The following RAP1A variants were observed in gnomAD, a reference collection of about 807,000 sequenced individuals.
RAP1A encodes the protein ras-related protein Rap-1A.
In RAP1A, 6 loss-of-function variants were observed where a neutral mutation model predicts 26.4. That is an observed-to-expected ratio of 0.23 (90% CI 0.12 to 0.45). The LOEUF is 0.45. RAP1A is among the 20% of genes least tolerant of loss of function. RAP1A has a pLI of 0.99. For synonymous variants in RAP1A, 73 were observed against 79.4 expected (o/e 0.92, Z 0.43); for missense variants, 121 against 217.2 (o/e 0.56, Z 2.78).
exon 1 of RAP1A, chr1:111,542,315 G>A (rs1656863991): frequency 2.0e-6 from 1 of 499,552 alleles, no homozygotes; most frequent in Non-Finnish European, 4.0e-6. Context: ...GAGCAAAGAA[G>A]TTAAAAGAGA....
At chr1:111,650,093 CT>C (rs57681662) in intron 1 of RAP1A, among the ~76,000 whole-genome samples, 7,321 of 75,918 alleles carry the variant, frequency 0.096, 183 homozygotes, top group Non-Finnish European at 0.1. Context: ...TGGTAGAGTG[CT>C]TTTTTTTTTT....
chr1:111,618,465 T>C (rs1457145695), upstream of RAP1A, among the ~76,000 whole-genome samples: 1 of 152,220 alleles, frequency 6.6e-6, no homozygotes, highest in Non-Finnish European at 1.5e-5. Flanking sequence ...CCTTCAAGTG[T>C]TGGAGTGCCT....
intron 1 of RAP1A, among the ~76,000 whole-genome samples, chr1:111,597,639 T>C (rs1483852696): frequency 1.3e-5 from 2 of 152,090 alleles, no homozygotes; most frequent in Admixed American, 6.6e-5. Context: ...TCTCTCCAAG[T>C]GTGGGTTGAG....
intron 4 of RAP1A, among the ~76,000 whole-genome samples, chr1:111,698,909 A>G (rs890331018): frequency 4.6e-5 from 7 of 151,228 alleles, no homozygotes; most frequent in African/African-American, 7.3e-5. Context: ...CTTTGTTTCC[A>G]GAGACCCTAA....
At chr1:111,650,496 A>G (rs916676124) in intron 1 of RAP1A, 2 of 152,182 alleles carry the variant, frequency 1.3e-5, no homozygotes, top group African/African-American at 2.4e-5. Context: ...AATCTTCCCT[A>G]TATCATTCCA....
At chr1:111,706,326 T>C (rs1662189878) in intron 6 of RAP1A, among the ~76,000 whole-genome samples, 1 of 152,180 alleles carries the variant, frequency 6.6e-6, no homozygotes. Context: ...ACTTTTGCCT[T>C]GTAAATTTTT....
At position 111,704,332 on chromosome 1, in the gene RAP1A, TC is replaced by T; in HGVS notation, c.325-10del. On this transcript the variant is annotated splice_polypyrimidine_tract_variant and intron_variant, in intron 5 of 7. Transcript: ENST00000369709. ...TGTTATTGTTCATTTTACGTTTTTT[TC>T]TTCCCACAGGTTCCAATGATTTTGG... 1 of 1,612,556 alleles carries T rather than the reference TC, an allele frequency of 6.2e-7. No homozygotes were observed. Among genetic ancestry groups the T allele is most frequent in the Non-Finnish European group, 8.5e-7 (1 of 1,179,332 alleles).
At chr1:111,676,575 G>A (rs1661133555) in intron 1 of RAP1A, among the ~76,000 whole-genome samples, 1 of 152,034 alleles carries the variant, frequency 6.6e-6, no homozygotes, top group Admixed American at 6.6e-5. Context: ...TGATTTACAT[G>A]TAATAAAATG....
intron 6 of RAP1A, chr1:111,706,645 A>G (rs1365489172): frequency 1.1e-6 from 1 of 907,108 alleles, no homozygotes; most frequent in Non-Finnish European, 1.3e-6. Context: ...GAGAAACTCT[A>G]TTCTGTGTTC....
At chr1:111,712,015 G>A (rs988823007) in intron 7 of RAP1A, among the ~76,000 whole-genome samples, 1 of 152,134 alleles carries the variant, frequency 6.6e-6, no homozygotes, top group Non-Finnish European at 1.5e-5. Flanking sequence ...CTTGAATAAA[G>A]AATATCTTAT....
intron 4 of RAP1A, among the ~76,000 whole-genome samples, chr1:111,702,289 A>G (rs1662043688): frequency 6.6e-6 from 1 of 152,090 alleles, no homozygotes; most frequent in Admixed American, 6.5e-5. Context: ...ATTCTGCCAT[A>G]TGTGCTTTTT....
chr1:111,615,882 A>G (rs12024366), upstream of RAP1A, among the ~76,000 whole-genome samples: 27,235 of 151,614 alleles, frequency 0.18, 2,834 homozygotes, highest in South Asian at 0.22. Context: ...AGCTGCATTT[A>G]AAGTGCTCAA....
intron 6 of RAP1A, among the ~76,000 whole-genome samples, chr1:111,706,004 G>A (rs1662178542): frequency 6.6e-6 from 1 of 152,188 alleles, no homozygotes; most frequent in Non-Finnish European, 1.5e-5. Flanking sequence ...ACATGTTTGT[G>A]AGAACCTACA....
intron 1 of RAP1A, among the ~76,000 whole-genome samples, chr1:111,601,633 T>G (rs946137553): frequency 3.9e-5 from 6 of 152,232 alleles, no homozygotes; most frequent in Non-Finnish European, 8.8e-5. Flanking sequence ...ATGTACCATC[T>G]TCCCTGATGA....
At chr1:111,661,837 A>T (rs954026400) in intron 1 of RAP1A, among the ~76,000 whole-genome samples, 1 of 150,812 alleles carries the variant, frequency 6.6e-6, no homozygotes. Flanking sequence ...AATTGAGAGG[A>T]TCTCTTTTTG....
At chr1:111,579,105 C>G (rs58477466) in intron 1 of RAP1A, among the ~76,000 whole-genome samples, 7,356 of 152,192 alleles carry the variant, frequency 0.048, 623 homozygotes, top group African/African-American at 0.17. Flanking sequence ...TTTAGCAGTC[C>G]CAAAGCTCAT....
chr1:111,709,764 CGTA>C (rs1286212981), intron 7 of RAP1A, among the ~76,000 whole-genome samples: 3 of 152,268 alleles, frequency 2.0e-5, no homozygotes, highest in African/African-American at 2.4e-5. Flanking sequence ...TAAACAAAAA[CGTA>C]GTGTATTTCC....
intron 1 of RAP1A, among the ~76,000 whole-genome samples, chr1:111,594,510 A>AGGAAGGGGAAGG (rs879386323): frequency 1.4e-5 from 2 of 147,322 alleles, no homozygotes; most frequent in Non-Finnish European, 3.0e-5. Flanking sequence ...GATGGAAGGA[A>AGGAAGGGGAAGG]GGAAGGGGAA....
chr1:111,573,532 A>G (rs2101056450), intron 1 of RAP1A, among the ~76,000 whole-genome samples: 1 of 152,230 alleles, frequency 6.6e-6, no homozygotes, highest in Non-Finnish European at 1.5e-5. Context: ...ACAGGGTTTC[A>G]CCATGTTAGC....
Sources: gnomAD v4.1 joint callset for allele counts (sites outside exome capture counted in the v4.1 genomes callset) on GRCh38, gnomAD v4.1.1 for gene constraint, MANE v1.5 for transcripts, NCBI Gene and HGNC (gene_info 2026-07-23, HGNC 2026-07-21) for gene names.